ATRNL1: variants seen among roughly 807,000 people sequenced by gnomAD.
ATRNL1 encodes attractin-like protein 1.
A neutral mutation model predicts 182.7 loss-of-function variants in ATRNL1; 95 were observed. The observed-to-expected ratio is 0.52, with a 90% CI of 0.44 to 0.62. The LOEUF (loss-of-function observed/expected upper bound fraction) is 0.62. Ranked by LOEUF, ATRNL1 falls within the 20% of genes least tolerant of loss-of-function variation. The probability of loss-of-function intolerance (pLI) is 0.00; values close to 1 mark genes in which losing one functional copy is unlikely to be tolerated. For synonymous variants in ATRNL1, 576 were observed against 568.3 expected, an observed-to-expected ratio of 1.01 and a Z score of -0.19; for missense variants, 1,471 against 1,679.5, an observed-to-expected ratio of 0.88 and a Z score of 2.17.
intron 9 of ATRNL1, among the ~76,000 whole-genome samples, chr10:115,230,952 C>T (rs1849923819): frequency 6.9e-6 from 1 of 145,104 alleles, no homozygotes; most frequent in Non-Finnish European, 1.5e-5. Context: ...ATGAAGCAGG[C>T]ATTTGGCTTG....
chr10:115,809,505 G>T (rs1305169600), intron 27 of ATRNL1, among the ~76,000 whole-genome samples: 2 of 151,824 alleles, frequency 1.3e-5, no homozygotes, highest in African/African-American at 4.8e-5. Context: ...GTCAGTAATG[G>T]ATTTTTAGTG....
intron 28 of ATRNL1, among the ~76,000 whole-genome samples, chr10:115,906,372 T>A (rs1555114552): frequency 6.6e-6 from 1 of 152,122 alleles, no homozygotes. Context: ...AGGTAACTAT[T>A]TTGTAAAATG....
At chr10:115,769,554 A>C (rs1948936944) in intron 27 of ATRNL1, among the ~76,000 whole-genome samples, 2 of 152,286 alleles carry the variant, frequency 1.3e-5, no homozygotes, top group Non-Finnish European at 2.9e-5. Flanking sequence ...GGTGCCTGGC[A>C]CATAGCGCTC....
intron 8 of ATRNL1, among the ~76,000 whole-genome samples, chr10:115,208,669 C>T (rs1471461760): frequency 6.6e-6 from 1 of 152,034 alleles, no homozygotes; most frequent in Non-Finnish European, 1.5e-5. Context: ...GTTCCCAGTG[C>T]TGTGTAAGAC....
chr10:115,426,871 C>T (rs1845926016), intron 21 of ATRNL1, among the ~76,000 whole-genome samples: 2 of 152,086 alleles, frequency 1.3e-5, no homozygotes, highest in African/African-American at 4.8e-5. Context: ...ATTACATGTG[C>T]CCACCACCAC....
At chr10:115,197,607 T>G (rs1448266482) in intron 8 of ATRNL1, among the ~76,000 whole-genome samples, 1 of 152,112 alleles carries the variant, frequency 6.6e-6, no homozygotes, top group Non-Finnish European at 1.5e-5. Context: ...GATTACACTG[T>G]GTATATACAG....
intron 13 of ATRNL1, among the ~76,000 whole-genome samples, chr10:115,275,812 A>G (rs557583635): frequency 6.6e-6 from 1 of 152,084 alleles, no homozygotes; most frequent in Non-Finnish European, 1.5e-5. Context: ...CCACTCTAAC[A>G]TTCCAATCTC....
chr10:115,630,079 A>T (rs1278650137), intron 26 of ATRNL1, among the ~76,000 whole-genome samples: 1 of 152,272 alleles, frequency 6.6e-6, no homozygotes, highest in Non-Finnish European at 1.5e-5. Context: ...ATATGGTGTC[A>T]TATCCAAAAT....
intron 25 of ATRNL1, 129 bp from the exon 26 acceptor site, chr10:115,549,329 A>G: frequency 2.0e-6 from 1 of 496,442 alleles, no homozygotes; most frequent in Non-Finnish European, 3.2e-6. Flanking sequence ...AATTTATCAT[A>G]TTTTTGATTG....
intron 27 of ATRNL1, among the ~76,000 whole-genome samples, chr10:115,739,472 A>G (rs1477603785): frequency 1.3e-5 from 2 of 152,236 alleles, no homozygotes; most frequent in African/African-American, 4.8e-5. Context: ...TAAAAGAGGT[A>G]ACATATTGAA....
In ATRNL1 at chr10:115,945,015, G is replaced by A; in HGVS notation, c.*236G>A. Reference sequence around the variant, plus strand: ...TTACCACTATCTTAGGCTTATTATAGCTAACATTAAATTACTCTGGAAAAA... The same window carrying A: ...TTACCACTATCTTAGGCTTATTATAACTAACATTAAATTACTCTGGAAAAA... On this transcript the variant is annotated 3_prime_UTR_variant, in exon 29 of 29. Coordinates refer to ENST00000355044, the MANE Select transcript of ATRNL1 (RefSeq NM_207303.4). 1 of 321,266 alleles carries A rather than the reference G, an allele frequency of 3.1e-6. No homozygotes were observed. The highest frequency in any genetic ancestry group is 5.0e-5 in the East Asian group (1 of 20,006). The allele number at this position is 321,266 out of a possible 1,614,324, so 19.9% of individuals were successfully genotyped here. A position where few individuals can be genotyped will look rare whatever the true frequency, so the allele number is the denominator to read the frequency against.
intron 26 of ATRNL1, among the ~76,000 whole-genome samples, chr10:115,599,384 C>T (rs1856463352): frequency 6.6e-6 from 1 of 152,118 alleles, no homozygotes; most frequent in Admixed American, 6.5e-5. Flanking sequence ...GCAACTCAGT[C>T]TCATAAGTGC....
At chr10:115,879,166 G>C (rs1555107911) in intron 28 of ATRNL1, among the ~76,000 whole-genome samples, 1 of 151,870 alleles carries the variant, frequency 6.6e-6, no homozygotes, top group East Asian at 1.9e-4. Flanking sequence ...AAATAGCTGG[G>C]CATGGTGATA....
At chr10:115,498,633 T>C (rs1044296859) in intron 24 of ATRNL1, among the ~76,000 whole-genome samples, 3 of 151,858 alleles carry the variant, frequency 2.0e-5, no homozygotes, top group African/African-American at 7.2e-5. Flanking sequence ...AGCAACTATC[T>C]CTTAAAAATT....
At chr10:115,901,760 A>G (rs1447845813) in intron 28 of ATRNL1, among the ~76,000 whole-genome samples, 1 of 151,968 alleles carries the variant, frequency 6.6e-6, no homozygotes, top group South Asian at 2.1e-4. Context: ...AAAAAAAAAA[A>G]AAAAGCTTTG....
chr10:115,171,383 GTTAT>G lies in ATRNL1; in HGVS notation c.1348+94_1348+97del, dbSNP rs530606650. 322 of 1,170,972 alleles carry G rather than the reference GTTAT, an allele frequency of 2.7e-4. 3 individuals carry two copies. In the South Asian group the frequency reaches 4.8e-3, roughly 17 times the overall value. 72.5% of individuals were successfully genotyped at this position (1,170,972 alleles called of 1,614,324 possible). The stretch of plus-strand genomic sequence containing the variant: ...CATATGAATTTAGTCAAAATGGTGA[GTTAT>G]TTGAGATTGAAATTATAAGCTGATA... On this transcript the variant is annotated intron_variant, in intron 8 of 28. Coordinates refer to ENST00000355044, the MANE Select transcript of ATRNL1 (RefSeq NM_207303.4).
At chr10:115,803,681 A>G (rs1293917051) in intron 27 of ATRNL1, among the ~76,000 whole-genome samples, 3 of 151,960 alleles carry the variant, frequency 2.0e-5, no homozygotes, top group African/African-American at 7.2e-5. Flanking sequence ...AATGAATCCT[A>G]GTGAAATTCT....
chr10:115,334,545 T>C, intron 19 of ATRNL1, 126 bp downstream of exon 19: 1 of 525,662 alleles, frequency 1.9e-6, no homozygotes, highest in Non-Finnish European at 3.1e-6. Context: ...GTATGTTTTC[T>C]AAAGTAATAC....
At chr10:115,785,987 C>A (rs1949387869) in intron 27 of ATRNL1, among the ~76,000 whole-genome samples, 1 of 152,126 alleles carries the variant, frequency 6.6e-6, no homozygotes. Context: ...CATATGAGAC[C>A]TCATCAGAGG....
Sources: gnomAD v4.1 joint callset for allele counts (sites outside exome capture counted in the v4.1 genomes callset) on GRCh38, gnomAD v4.1.1 for gene constraint, MANE v1.5 for transcripts, NCBI Gene and HGNC (gene_info 2026-07-23, HGNC 2026-07-21) for gene names.